The following CNTNAP2 variants were observed in gnomAD, a reference collection of about 807,000 sequenced individuals.
The protein encoded by CNTNAP2 is contactin-associated protein-like 2.
Under a neutral mutation model 155.2 loss-of-function variants are expected in CNTNAP2, and 98 were observed. The ratio of observed to expected loss-of-function variants is 0.63; its 90% CI spans 0.54 to 0.75. The LOEUF is 0.75. CNTNAP2 is among the 30% of genes least tolerant of loss of function. The pLI is 0.00. For missense variants in CNTNAP2, 1,727 were observed against 1,688.1 expected (o/e 1.02, Z -0.40); for synonymous variants, 651 against 631.2 (o/e 1.03, Z -0.47).
intron 8 of CNTNAP2, among the ~76,000 whole-genome samples, chr7:147,144,457 C>G (rs1251806844): frequency 6.6e-6 from 1 of 152,158 alleles, no homozygotes; most frequent in African/African-American, 2.4e-5. Flanking sequence ...TCCACTTTTA[C>G]CACGTATTCT....
At chr7:147,649,651 C>T (rs1464364071) in intron 13 of CNTNAP2, among the ~76,000 whole-genome samples, 3 of 151,942 alleles carry the variant, frequency 2.0e-5, no homozygotes, top group African/African-American at 4.8e-5. Context: ...TTAAACTAAA[C>T]TTCAATATAT....
chr7:147,535,465 G>C (rs1377331457), intron 11 of CNTNAP2, among the ~76,000 whole-genome samples: 1 of 152,120 alleles, frequency 6.6e-6, no homozygotes, highest in Non-Finnish European at 1.5e-5. Context: ...TAGTTAAAAG[G>C]TGGAAATTAA....
intron 10 of CNTNAP2, among the ~76,000 whole-genome samples, chr7:147,400,005 A>T (rs536240572): frequency 9.2e-5 from 14 of 152,246 alleles, no homozygotes; most frequent in African/African-American, 3.4e-4. Context: ...TTCTTCTTGC[A>T]TTGTTACTCT....
intron 14 of CNTNAP2, among the ~76,000 whole-genome samples, chr7:147,960,380 C>G (rs1801095207): frequency 6.6e-6 from 1 of 152,088 alleles, no homozygotes. Flanking sequence ...CAAAGGAACT[C>G]AATAAATGGT....
chr7:146,174,775 G>A (rs1294456395), intron 1 of CNTNAP2, among the ~76,000 whole-genome samples: 3 of 152,142 alleles, frequency 2.0e-5, no homozygotes, highest in Admixed American at 6.5e-5. Flanking sequence ...CCTGGGAGGC[G>A]GAGGTTGCAG....
At chr7:146,789,760 C>T (rs1478933652) in intron 2 of CNTNAP2, among the ~76,000 whole-genome samples, 1 of 151,512 alleles carries the variant, frequency 6.6e-6, no homozygotes, top group African/African-American at 2.4e-5. Context: ...CTGACAGAAG[C>T]TGTATTTTTA....
chr7:146,544,759 C>T (rs62484485), intron 1 of CNTNAP2, among the ~76,000 whole-genome samples: 94,027 of 151,320 alleles, frequency 0.62, 30,042 homozygotes, highest in African/African-American at 0.72. Context: ...CCTGCTGAGC[C>T]GGGCTCTAGT....
chr7:147,543,931 G>A (rs1562989283), intron 11 of CNTNAP2, among the ~76,000 whole-genome samples: 2 of 152,256 alleles, frequency 1.3e-5, no homozygotes, highest in South Asian at 4.1e-4. Flanking sequence ...GTAGGTTTAT[G>A]ATAGCAAACA....
rs182614420 is a variant in CNTNAP2, at chr7:146,376,752, G to A, written c.97+259779G>A. ...AGACCCAATTTGATAATATTAAGAG[G>A]TAGGGACTTTAGGGAGTGATTATGT... On this transcript the variant is annotated intron_variant, in intron 1 of 23. Transcript: ENST00000361727. 3.5e-3 allele frequency among the ~76,000 whole-genome samples: 537 copies of A among 152,224 alleles called. 3 individuals are homozygous for A. Among genetic ancestry groups the A allele is most frequent in the Admixed American group, 5.4e-3 (82 of 15,296 alleles).
chr7:147,915,615 A>G (rs1201817733), intron 14 of CNTNAP2, among the ~76,000 whole-genome samples: 1 of 152,018 alleles, frequency 6.6e-6, no homozygotes, highest in Non-Finnish European at 1.5e-5. Flanking sequence ...TTTTCTTTCT[A>G]GATACATAAA....
intron 8 of CNTNAP2, among the ~76,000 whole-genome samples, chr7:147,156,309 G>T (rs1432392115): frequency 1.3e-5 from 2 of 152,142 alleles, no homozygotes; most frequent in South Asian, 2.1e-4. Flanking sequence ...ACCCAAAAAA[G>T]ATTTTAGGAT....
Position 148,145,010 on chromosome 7 carries a change from C to T in CNTNAP2, c.2555-2481C>T, listed in dbSNP as rs529276690. Reference sequence around the variant, plus strand: ...GATGGGATTTCTCAAAGGCTTCCCGCAGCAATGTCAGGGAAGCTGACATTG... The same window carrying T: ...GATGGGATTTCTCAAAGGCTTCCCGTAGCAATGTCAGGGAAGCTGACATTG... On this transcript the variant is annotated intron_variant, in intron 16 of 23. Transcript: ENST00000361727. Among the ~76,000 whole-genome samples, 121 of 152,218 alleles carry T rather than the reference C, an allele frequency of 7.9e-4. 3 individuals are homozygous for T. In the South Asian group the frequency reaches 0.024, roughly 31 times the overall value.
Position 147,372,705 on chromosome 7 carries a change from G to A in CNTNAP2, c.1499-22904G>A, listed in dbSNP as rs116029171. ...TGTCTCCCTTGAAAATTGATGGGAAGGAAGCTTTAGCCAGATAAATACTTT... is the reference window on the plus strand; with the variant it reads ...TGTCTCCCTTGAAAATTGATGGGAAAGAAGCTTTAGCCAGATAAATACTTT... On this transcript the variant is annotated intron_variant, in intron 9 of 23. Transcript: ENST00000361727. 2.3e-3 allele frequency among the ~76,000 whole-genome samples: 351 copies of A among 152,172 alleles called. 2 individuals carry two copies. The highest frequency in any genetic ancestry group is 8.0e-3 in the African/African-American group (333 of 41,528).
At chr7:147,623,775 A>C (rs1326731519) in intron 12 of CNTNAP2, among the ~76,000 whole-genome samples, 1 of 151,980 alleles carries the variant, frequency 6.6e-6, no homozygotes, top group East Asian at 1.9e-4. Flanking sequence ...ATTAAAATTT[A>C]TTTGGAACCA....
intron 1 of CNTNAP2, among the ~76,000 whole-genome samples, chr7:146,689,272 C>T (rs1326316751): frequency 6.6e-6 from 1 of 151,854 alleles, no homozygotes; most frequent in Admixed American, 6.6e-5. Flanking sequence ...CTTTTGAAAG[C>T]CAAATTAAGA....
chr7:148,124,957 C>T (rs1172997929), intron 16 of CNTNAP2, among the ~76,000 whole-genome samples: 7 of 151,914 alleles, frequency 4.6e-5, no homozygotes, highest in African/African-American at 9.7e-5. Context: ...AGAGGCAATG[C>T]GAACAAAAAC....
At chr7:147,462,906 A>G (rs1230180406) in intron 10 of CNTNAP2, among the ~76,000 whole-genome samples, 2 of 152,202 alleles carry the variant, frequency 1.3e-5, no homozygotes, top group African/African-American at 4.8e-5. Flanking sequence ...TAACAAGTGT[A>G]TCGAGAAGTA....
intron 20 of CNTNAP2, among the ~76,000 whole-genome samples, chr7:148,235,391 A>G (rs978386109): frequency 1.3e-5 from 2 of 152,166 alleles, no homozygotes; most frequent in Non-Finnish European, 2.9e-5. Flanking sequence ...TAGCCCTCAA[A>G]TGTCCATGTT....
At chr7:148,192,622 G>A (rs111365095) in intron 18 of CNTNAP2, among the ~76,000 whole-genome samples, 57 of 151,268 alleles carry the variant, frequency 3.8e-4, no homozygotes, top group Non-Finnish European at 1.3e-4. Context: ...GCAAAACTCC[G>A]TCTCAAAAAA....
Sources: gnomAD v4.1 joint callset for allele counts (sites outside exome capture counted in the v4.1 genomes callset) on GRCh38, gnomAD v4.1.1 for gene constraint, MANE v1.5 for transcripts, NCBI Gene and HGNC (gene_info 2026-07-23, HGNC 2026-07-21) for gene names.